TSHZ2: variants seen among roughly 807,000 people sequenced by gnomAD.
TSHZ2 encodes teashirt zinc finger homeobox 2.
TSHZ2 carries 21 observed loss-of-function variants against 74.4 expected under a neutral mutation model. The ratio of observed to expected loss-of-function variants is 0.28; its 90% confidence interval spans 0.20 to 0.41. The LOEUF is 0.41. TSHZ2 is among the 10% of genes least tolerant of loss of function. The pLI, the probability that TSHZ2 is intolerant of heterozygous loss-of-function variation, is 1.00. For missense variants in TSHZ2, 1,244 were observed against 1,293.5 expected, an observed-to-expected ratio of 0.96 and a Z score of 0.59; for synonymous variants, 540 against 515.3, an observed-to-expected ratio of 1.05 and a Z score of -0.65.
chr20:53,355,714 C>A (rs1489529183), intron 2 of TSHZ2, among the ~76,000 whole-genome samples: 2 of 152,108 alleles, frequency 1.3e-5, no homozygotes, highest in Non-Finnish European at 2.9e-5. Flanking sequence ...TACTAAGAAC[C>A]ACTGAATTGT....
At chr20:53,095,133 G>A (rs562241290) in intron 1 of TSHZ2, among the ~76,000 whole-genome samples, 18 of 152,286 alleles carry the variant, frequency 1.2e-4, no homozygotes, top group African/African-American at 4.3e-4. Context: ...TTCAGGTACT[G>A]CTGGTTCAAG....
intron 1 of TSHZ2, among the ~76,000 whole-genome samples, chr20:53,093,006 T>C (rs1488682290): frequency 6.6e-6 from 1 of 152,206 alleles, no homozygotes; most frequent in Non-Finnish European, 1.5e-5. Context: ...GCCCTGGGAC[T>C]GTAGTTTGCC....
At position 53,254,655 on chromosome 20, in the gene TSHZ2, G is replaced by T; in HGVS notation, c.1197G>T (p.Met399Ile). The change falls in exon 2 of 3, where the codon ATG becomes ATT. Residue 399 changes from methionine to isoleucine, a missense_variant. Transcript: ENST00000371497. ...HDTLQQLTTHMMVTGHFLKVT... is the reference protein window; with the variant it reads ...HDTLQQLTTHIMVTGHFLKVT... ...CCTTGCAGCAGCTCACCACCCACAT[G>T]ATGGTCACAGGTCACTTTCTCAAGG... 1.2e-6 allele frequency: 2 copies of T among 1,614,198 alleles called. No individual in the cohort carries two copies. The highest frequency in any genetic ancestry group is 8.5e-7 in the Non-Finnish European group (1 of 1,180,026).
At chr20:53,046,700 T>C (rs996567426) in intron 1 of TSHZ2, among the ~76,000 whole-genome samples, 1 of 152,124 alleles carries the variant, frequency 6.6e-6, no homozygotes, top group African/African-American at 2.4e-5. Context: ...GGTATAGGCT[T>C]GAACAAGTTC....
At position 53,074,141 on chromosome 20, in the gene TSHZ2, C is replaced by A. The variant is rs1039905397; in HGVS notation, c.40+100808C>A. Among the ~76,000 whole-genome samples the A allele has an allele frequency of 6.6e-6, 1 of 152,224 alleles. No individual in the cohort carries two copies. Among genetic ancestry groups the A allele is most frequent in the African/African-American group, 2.4e-5 (1 of 41,458 alleles). Reference sequence around the variant, plus strand: ...ACATCCTTGGTGAACTCTTATGTATCTTTTAAACTGCTGTTCAAATGTCGC... The same window carrying A: ...ACATCCTTGGTGAACTCTTATGTATATTTTAAACTGCTGTTCAAATGTCGC... On this transcript the variant is annotated intron_variant, in intron 1 of 2. Coordinates refer to ENST00000371497, the MANE Select transcript of TSHZ2 (RefSeq NM_173485.6). The surrounding 1 kb of genome is among the most constrained non-coding windows in gnomAD (Gnocchi z 5.9).
At chr20:53,361,736 C>G (rs377007828) in intron 2 of TSHZ2, among the ~76,000 whole-genome samples, 1 of 152,226 alleles carries the variant, frequency 6.6e-6, no homozygotes, top group South Asian at 2.1e-4. Context: ...CTAAATGTCC[C>G]GTAATGCACA....
intron 1 of TSHZ2, among the ~76,000 whole-genome samples, chr20:52,976,030 G>C (rs570167613): frequency 6.6e-6 from 1 of 152,192 alleles, no homozygotes; most frequent in Admixed American, 6.5e-5. Context: ...GAGTGGATCC[G>C]AGCTGAGGCT....
chr20:52,981,715 C>A (rs1981576267), intron 1 of TSHZ2, among the ~76,000 whole-genome samples: 1 of 152,170 alleles, frequency 6.6e-6, no homozygotes, highest in Admixed American at 6.5e-5. Context: ...TGGAGTCCAG[C>A]ACCCGCTCAA....
chr20:52,981,863 G>A (rs1181212165), intron 1 of TSHZ2, among the ~76,000 whole-genome samples: 1 of 152,192 alleles, frequency 6.6e-6, no homozygotes, highest in East Asian at 1.9e-4. Context: ...CGTTTACACG[G>A]CAGTTATTTC....
chr20:53,351,443 G>A (rs939481833), intron 2 of TSHZ2, among the ~76,000 whole-genome samples: 4 of 152,242 alleles, frequency 2.6e-5, no homozygotes, highest in South Asian at 2.1e-4. Flanking sequence ...TTTTTTTAAC[G>A]AATGGATTAT....
chr20:53,125,963 T>G (rs754476213), intron 1 of TSHZ2, among the ~76,000 whole-genome samples: 1 of 152,252 alleles, frequency 6.6e-6, no homozygotes, highest in Non-Finnish European at 1.5e-5. Flanking sequence ...ACATTGATAA[T>G]AGCAGAAATG....
chr20:52,982,521 C>T (rs541962142), intron 1 of TSHZ2, among the ~76,000 whole-genome samples: 7 of 152,194 alleles, frequency 4.6e-5, no homozygotes, highest in African/African-American at 9.6e-5. Context: ...TTCATATGTC[C>T]GTACATGCAT....
chr20:53,275,798 A>G (rs953261952), intron 2 of TSHZ2, among the ~76,000 whole-genome samples: 1 of 152,188 alleles, frequency 6.6e-6, no homozygotes, highest in African/African-American at 2.4e-5. Context: ...GCGGTGGCAC[A>G]TGCCTGTAAT....
At chr20:53,303,191 C>G (rs1248877142) in intron 2 of TSHZ2, among the ~76,000 whole-genome samples, 1 of 152,180 alleles carries the variant, frequency 6.6e-6, no homozygotes, top group Non-Finnish European at 1.5e-5. Flanking sequence ...AAGAAAATTT[C>G]AAAACTTTAG....
At chr20:53,059,677 GATTT>G (rs1015961790) in intron 1 of TSHZ2, among the ~76,000 whole-genome samples, 3 of 152,218 alleles carry the variant, frequency 2.0e-5, no homozygotes, top group East Asian at 3.9e-4. Context: ...ACAGCTTTGA[GATTT>G]ATTTTGAGGA....
chr20:53,073,996 T>A (rs1985289061), intron 1 of TSHZ2, among the ~76,000 whole-genome samples: 1 of 152,216 alleles, frequency 6.6e-6, no homozygotes, highest in Non-Finnish European at 1.5e-5. Flanking sequence ...GCTTCCACAC[T>A]TTCTAATTTC....
chr20:53,345,185 G>A (rs1600821545), intron 2 of TSHZ2, among the ~76,000 whole-genome samples: 2 of 152,372 alleles, frequency 1.3e-5, no homozygotes, highest in South Asian at 2.1e-4. Flanking sequence ...AAGTGTGGAT[G>A]TGTGTTTTTG....
chr20:53,169,808 C>T (rs1988151360), intron 1 of TSHZ2, among the ~76,000 whole-genome samples: 1 of 152,140 alleles, frequency 6.6e-6, no homozygotes, highest in African/African-American at 2.4e-5. Flanking sequence ...TGCACATGTG[C>T]ATGCCCAGGT....
Position 53,267,521 on chromosome 20 carries a change from A to G in TSHZ2, c.*8+10950A>G, listed in dbSNP as rs543078055. On this transcript the variant is annotated intron_variant, in intron 2 of 2. Coordinates refer to ENST00000371497, the MANE Select transcript of TSHZ2 (RefSeq NM_173485.6). Reference sequence around the variant, plus strand: ...AAGAGGAAACTGAGGTTTAGAAATAATGAAAAGCCCCAGCCTCACAGTCCA... The same window carrying G: ...AAGAGGAAACTGAGGTTTAGAAATAGTGAAAAGCCCCAGCCTCACAGTCCA... Among the ~76,000 whole-genome samples, 4 of 152,232 alleles carry G rather than the reference A, an allele frequency of 2.6e-5. No individual in the cohort carries two copies. The South Asian group carries it at 8.3e-4, about 32-fold the overall frequency.
Sources: gnomAD v4.1 joint callset for allele counts (sites outside exome capture counted in the v4.1 genomes callset) on GRCh38, gnomAD v4.1.1 for gene constraint, Gnocchi (gnomAD v3.1) non-coding constraint, MANE v1.5 for transcripts, NCBI Gene and HGNC (gene_info 2026-07-23, HGNC 2026-07-21) for gene names.